SCAI: variants seen among roughly 807,000 people sequenced by gnomAD.
SCAI encodes suppressor of cancer cell invasion.
Under a neutral mutation model 92.2 loss-of-function variants are expected in SCAI, and 24 were observed. The ratio of observed to expected loss-of-function variants is 0.26; its 90% CI spans 0.19 to 0.37. The LOEUF (loss-of-function observed/expected upper bound fraction) is 0.37. Ranked by LOEUF, SCAI falls within the 10% of genes least tolerant of loss-of-function variation. SCAI has a pLI of 1.00. For missense variants in SCAI, 450 were observed against 736.2 expected (o/e 0.61, Z 4.50); for synonymous variants, 261 against 258.6 (o/e 1.01, Z -0.09).
At chr9:125,070,019 G>T (rs1042933033) in intron 2 of SCAI, among the ~76,000 whole-genome samples, 8 of 152,172 alleles carry the variant, frequency 5.3e-5, no homozygotes, top group Non-Finnish European at 8.8e-5. Flanking sequence ...TGTAAAAATG[G>T]AATATTAATA....
intron 4 of SCAI, among the ~76,000 whole-genome samples, chr9:125,029,205 C>T (rs1427509978): frequency 1.3e-5 from 2 of 152,040 alleles, no homozygotes; most frequent in Non-Finnish European, 2.9e-5. Context: ...CTGCAACCTC[C>T]CCCACTTCAG....
At chr9:125,129,848 G>A (rs1286800672) in intron 2 of SCAI, among the ~76,000 whole-genome samples, 1 of 151,892 alleles carries the variant, frequency 6.6e-6, no homozygotes, top group African/African-American at 2.4e-5. Context: ...ACATAAAAAA[G>A]AGAAGCTTTA....
At chr9:125,096,290 T>C (rs1834550529) in intron 2 of SCAI, among the ~76,000 whole-genome samples, 1 of 152,064 alleles carries the variant, frequency 6.6e-6, no homozygotes, top group Non-Finnish European at 1.5e-5. Flanking sequence ...GTGAGACTTA[T>C]TCACTATCAC....
chr9:125,009,767 C>A (rs1038284506), intron 9 of SCAI, among the ~76,000 whole-genome samples: 3 of 151,886 alleles, frequency 2.0e-5, no homozygotes, highest in African/African-American at 7.2e-5. Context: ...ATGGCACATG[C>A]CTGTAATGCC....
chr9:125,130,423 T>A (rs554875253), intron 2 of SCAI, among the ~76,000 whole-genome samples: 1 of 152,274 alleles, frequency 6.6e-6, no homozygotes, highest in South Asian at 2.1e-4. Flanking sequence ...CACAACTAGG[T>A]TCGTCAAAAT....
chr9:125,015,920 T>C (rs1832747131), intron 9 of SCAI, among the ~76,000 whole-genome samples: 1 of 150,558 alleles, frequency 6.6e-6, no homozygotes, highest in South Asian at 2.1e-4. Context: ...CTCAGTAAAC[T>C]ATCGCAAGAA....
intron 6 of SCAI, among the ~76,000 whole-genome samples, chr9:125,026,395 AG>A (rs138715102): frequency 0.6 from 83,731 of 138,578 alleles, 25,048 homozygotes; most frequent in African/African-American, 0.66. Flanking sequence ...AAAAAAAAAA[AG>A]AGAGAGAAAA....
chr9:125,042,908 C>T (rs1459649023), intron 3 of SCAI, among the ~76,000 whole-genome samples: 2 of 125,332 alleles, frequency 1.6e-5, no homozygotes, highest in Non-Finnish European at 3.2e-5. Flanking sequence ...TCACTTCACC[C>T]AGGCTGGAGT....
At chr9:125,135,703 C>T (rs560912774) in intron 2 of SCAI, among the ~76,000 whole-genome samples, 12 of 152,112 alleles carry the variant, frequency 7.9e-5, no homozygotes, top group African/African-American at 2.4e-4. Flanking sequence ...GGCATGGTGG[C>T]TCATGCCTGT....
At chr9:125,064,824 C>T (rs373074481) in intron 2 of SCAI, among the ~76,000 whole-genome samples, 7 of 151,910 alleles carry the variant, frequency 4.6e-5, no homozygotes, top group East Asian at 3.9e-4. Context: ...CTAGCCTGGG[C>T]GACAGAGTGG....
In SCAI at chr9:125,045,229, C is replaced by A. The variant is rs189369265; in HGVS notation, c.230+10647G>T. Among the ~76,000 whole-genome samples the A allele has an allele frequency of 1.7e-3, 260 of 152,262 alleles. 1 individual carries two copies. Among genetic ancestry groups the A allele is most frequent in the African/African-American group, 6.0e-3 (250 of 41,566 alleles). On this transcript the variant is annotated intron_variant, in intron 3 of 17. Coordinates refer to ENST00000336505, the MANE Select transcript of SCAI (RefSeq NM_001144877.3). ...TTTAGACATGCACCACCATGCCTGG[C>A]TAATTTTTGTGTTTTTAGTAGAGAT...
chr9:125,019,302 A>C (rs1366508896), intron 7 of SCAI, 97 bp from the exon 8 acceptor site: 1 of 673,420 alleles, frequency 1.5e-6, no homozygotes, highest in East Asian at 2.7e-5. Context: ...ACATACTTAC[A>C]AAATTTGATT....
chr9:124,995,095 T>C (rs1422780346), intron 13 of SCAI, 80 bp from the exon 14 acceptor site: 2 of 1,043,320 alleles, frequency 1.9e-6, no homozygotes, highest in Non-Finnish European at 2.9e-6. Context: ...GGTCTGCTCA[T>C]ATCTCCTTTG....
intron 14 of SCAI, among the ~76,000 whole-genome samples, chr9:124,980,427 A>C (rs986499983): frequency 6.6e-6 from 1 of 151,998 alleles, no homozygotes; most frequent in East Asian, 1.9e-4. Flanking sequence ...CTGGGAACTT[A>C]GTTTTGGTGA....
intron 2 of SCAI, among the ~76,000 whole-genome samples, chr9:125,137,853 C>T (rs1457726943): frequency 6.6e-6 from 1 of 152,182 alleles, no homozygotes; most frequent in Non-Finnish European, 1.5e-5. Context: ...CCACCCGCCT[C>T]AGCCTCCCAA....
chr9:125,051,214 G>C (rs1833554007), intron 3 of SCAI, among the ~76,000 whole-genome samples: 1 of 151,828 alleles, frequency 6.6e-6, no homozygotes, highest in Admixed American at 6.6e-5. Context: ...GTAGAGATGG[G>C]GTTTCACCAT....
chr9:125,131,002 A>T (rs1028792682), intron 2 of SCAI, among the ~76,000 whole-genome samples: 1 of 122,160 alleles, frequency 8.2e-6, no homozygotes, highest in Non-Finnish European at 1.6e-5. Context: ...GCTGGGCATT[A>T]ACTCACTCCT....
At chr9:125,130,146 G>A (rs1309233932) in intron 2 of SCAI, among the ~76,000 whole-genome samples, 4 of 152,064 alleles carry the variant, frequency 2.6e-5, no homozygotes, top group Admixed American at 6.6e-5. Context: ...TGATCCGCCC[G>A]CCTCGGCCTT....
chr9:125,115,288 C>A (rs1478991769), intron 2 of SCAI, among the ~76,000 whole-genome samples: 1 of 142,580 alleles, frequency 7.0e-6, no homozygotes, highest in East Asian at 2.2e-4. Flanking sequence ...AGGAGAATGA[C>A]ATGAACTCGG....
Sources: gnomAD v4.1 joint callset for allele counts (sites outside exome capture counted in the v4.1 genomes callset) on GRCh38, gnomAD v4.1.1 for gene constraint, MANE v1.5 for transcripts, NCBI Gene and HGNC (gene_info 2026-07-23, HGNC 2026-07-21) for gene names.